PROX1: variants seen among roughly 807,000 people sequenced by gnomAD.
The protein encoded by PROX1 is prospero homeobox protein 1.
In PROX1, 7 loss-of-function variants were observed where a neutral mutation model predicts 58.8. The observed-to-expected ratio is 0.12, with a 90% CI of 0.07 to 0.22. The LOEUF is 0.22. Among genes scored for constraint, PROX1 ranks in the 10% least tolerant of loss-of-function variants. PROX1 has a pLI of 1.00. For missense variants in PROX1, 675 were observed against 927.8 expected, an observed-to-expected ratio of 0.73 and a Z score of 3.54; for synonymous variants, 350 against 358.3, an observed-to-expected ratio of 0.98 and a Z score of 0.26.
intron 2 of PROX1, among the ~76,000 whole-genome samples, chr1:214,000,931 A>G (rs1325143766): frequency 6.6e-6 from 1 of 152,212 alleles, no homozygotes; most frequent in African/African-American, 2.4e-5. Context: ...ATACGGGGCC[A>G]TATATGATCC....
chr1:214,002,311 G>T (rs192790050), intron 2 of PROX1, among the ~76,000 whole-genome samples: 1 of 151,640 alleles, frequency 6.6e-6, no homozygotes, highest in East Asian at 1.9e-4. Flanking sequence ...ACTGCTTTAC[G>T]TTCAGCTGCA....
chr1:214,034,883 A>G lies in PROX1; in HGVS notation c.2029-766A>G, dbSNP rs79752457. On this transcript the variant is annotated intron_variant, in intron 4 of 4. Transcript: ENST00000366958. ...AGAGAGATTGGGAGAACTGAATGAC[A>G]TAATTCACATTCAGTACATAAAACA... is the stretch of plus-strand genomic sequence containing the variant. Among the ~76,000 whole-genome samples, 892 of 152,304 alleles carry G rather than the reference A, an allele frequency of 5.9e-3. 12 individuals are homozygous for G. Among genetic ancestry groups the G allele is most frequent in the African/African-American group, 0.021 (852 of 41,560 alleles).
chr1:213,994,000 T>C (rs1663133309), intron 1 of PROX1, among the ~76,000 whole-genome samples: 1 of 152,218 alleles, frequency 6.6e-6, no homozygotes, highest in South Asian at 2.1e-4. Flanking sequence ...CTTTCCACCT[T>C]AGGAAGAGCA....
At chr1:214,007,214 T>C (rs1213892959) in intron 3 of PROX1, among the ~76,000 whole-genome samples, 1 of 152,208 alleles carries the variant, frequency 6.6e-6, no homozygotes, top group Non-Finnish European at 1.5e-5. Flanking sequence ...TGACTCTGTG[T>C]AGATAACAAT....
chr1:213,987,563 A>AG (rs1339065693), upstream of PROX1: 1 of 140,110 alleles, frequency 7.1e-6, no homozygotes, highest in East Asian at 2.1e-4. Flanking sequence ...AAGAAAAAGA[A>AG]AAAAAAAAAA....
rs944491290 is a variant in PROX1 at position 214,039,731 on chromosome 1, T to C, written c.*3897T>C. On this transcript the variant is annotated 3_prime_UTR_variant, in exon 5 of 5. Transcript: ENST00000366958. ...ATGCAGTTTCTGTAAATTTATGAAA[T>C]TTCTTTTTCTATGTACATGAAGACA... 2 of 152,128 alleles carry C rather than the reference T, an allele frequency of 1.3e-5. No homozygotes were observed. The highest frequency in any genetic ancestry group is 1.3e-4 in the Admixed American group (2 of 15,268). 9.4% of individuals were successfully genotyped at this position (152,128 alleles called of 1,614,324 possible).
At chr1:214,000,489 A>G (rs1456635078) in intron 2 of PROX1, among the ~76,000 whole-genome samples, 1 of 152,186 alleles carries the variant, frequency 6.6e-6, no homozygotes, top group Non-Finnish European at 1.5e-5. Flanking sequence ...TTCTGTTGGG[A>G]AACACCCGTG....
At position 213,994,982 on chromosome 1, in the gene PROX1, T is replaced by A. The variant is rs1663203376; in HGVS notation, c.-67-1487T>A. On this transcript the variant is annotated intron_variant, in intron 1 of 4. Transcript: ENST00000366958. ...TTGATTTTTACAGGTTATTTCATGC[T>A]GAAATTATGCCTATTTGCATGGATA... Among the ~76,000 whole-genome samples the A allele has an allele frequency of 2.0e-5, 3 of 152,018 alleles. No individual in the cohort carries two copies. The South Asian group carries it at 6.3e-4, about 32-fold the overall frequency.
Position 213,998,014 on chromosome 1 carries a change from T to C in PROX1, c.1479T>C (p.Phe493=). The change falls in exon 2 of 5, where the codon TTT becomes TTC. Residue 493 remains phenylalanine (F), a synonymous_variant. Coordinates refer to ENST00000366958, the MANE Select transcript of PROX1 (RefSeq NM_001270616.2). ...PFPLPLMAYP[F]QSPLGAPSGS... Reference sequence around the variant, plus strand: ...CCCTTCCCTTGATGGCCTATCCATTTCAGAGCCCATTAGGTGCTCCCTCCG... The same window carrying C: ...CCCTTCCCTTGATGGCCTATCCATTCCAGAGCCCATTAGGTGCTCCCTCCG... 6.2e-7 allele frequency: 1 copy of C among 1,612,970 alleles called. No homozygotes were observed. The highest frequency in any genetic ancestry group is 8.5e-7 in the Non-Finnish European group (1 of 1,179,334).
intron 2 of PROX1, among the ~76,000 whole-genome samples, chr1:214,003,457 T>A (rs1663595445): frequency 6.6e-6 from 1 of 152,184 alleles, no homozygotes; most frequent in Admixed American, 6.5e-5. Flanking sequence ...TGTATCAGTC[T>A]AATGGAGGTT....
At chr1:213,993,123 G>T (rs554113314) in intron 1 of PROX1, among the ~76,000 whole-genome samples, 1 of 152,224 alleles carries the variant, frequency 6.6e-6, no homozygotes, top group South Asian at 2.1e-4. Flanking sequence ...GGTTATATAC[G>T]AAGTGATGCA....
Position 213,998,280 on chromosome 1 carries a change from T to C in PROX1, c.1725+20T>C. The C allele has an allele frequency of 6.6e-7, 1 of 1,517,430 alleles. No individual in the cohort carries two copies. The highest frequency in any genetic ancestry group is 8.8e-7 in the Non-Finnish European group (1 of 1,132,744). The allele number at this position is 1,517,430 out of a possible 1,614,324, so 94.0% of individuals were successfully genotyped here. On this transcript the variant is annotated intron_variant, in intron 2 of 4. Coordinates refer to ENST00000366958, the MANE Select transcript of PROX1 (RefSeq NM_001270616.2). Reference sequence around the variant, plus strand: ...AGTGCAATATCCTTTTATTTTCCCCTCGAGGAAAAAACAAACCAAAAAAGG... The same window carrying C: ...AGTGCAATATCCTTTTATTTTCCCCCCGAGGAAAAAACAAACCAAAAAAGG...
At position 213,997,779 on chromosome 1, in the gene PROX1, T is replaced by C. The variant is rs751323870; in HGVS notation, c.1244T>C (p.Val415Ala). The C allele has an allele frequency of 6.2e-7, 1 of 1,614,222 alleles. No individual in the cohort carries two copies. Among genetic ancestry groups the C allele is most frequent in the East Asian group, 2.2e-5 (1 of 44,880 alleles). Reference sequence around the variant, plus strand: ...CAGCGCCTGCAGTGCTTTGGCGACGTCATCATTCCGAACCCCCTGGACACC... The same window carrying C: ...CAGCGCCTGCAGTGCTTTGGCGACGCCATCATTCCGAACCCCCTGGACACC... The part of the protein sequence containing the change: ...ANQRLQCFGD[V>A]IIPNPLDTFG... Residue 415 changes from valine to alanine, a missense_variant, in exon 2 of 5, where the codon GTC becomes GCC. By Grantham distance (64) the Val-to-Ala change is moderately conservative. Coordinates refer to ENST00000366958, the MANE Select transcript of PROX1 (RefSeq NM_001270616.2). This position sits in a 1 kb window ranked among gnomAD's most constrained non-coding sequence, Gnocchi z 7.1.
intron 1 of PROX1, among the ~76,000 whole-genome samples, chr1:213,995,607 G>A (rs915813549): frequency 2.0e-5 from 3 of 151,652 alleles, no homozygotes; most frequent in Admixed American, 6.6e-5. Flanking sequence ...TCTTTATCTC[G>A]GTCAATAACT....
At chr1:214,014,341 T>G (rs914831489) in intron 4 of PROX1, among the ~76,000 whole-genome samples, 8 of 152,164 alleles carry the variant, frequency 5.3e-5, no homozygotes, top group Non-Finnish European at 8.8e-5. Flanking sequence ...GATGGCAAAA[T>G]GGAGAACTGT....
At chr1:214,000,308 T>C in intron 2 of PROX1, among the ~76,000 whole-genome samples, 1 of 152,218 alleles carries the variant, frequency 6.6e-6, no homozygotes, top group East Asian at 1.9e-4. Context: ...GTTGGCTATG[T>C]TCATTGTCTC....
At chr1:214,007,464 T>C (rs1419924239) in intron 3 of PROX1, among the ~76,000 whole-genome samples, 3 of 152,262 alleles carry the variant, frequency 2.0e-5, no homozygotes, top group Non-Finnish European at 2.9e-5. Context: ...TTCCTAATTA[T>C]GTTTTTTCTT....
chr1:214,029,054 C>T lies in PROX1; in HGVS notation c.2029-6595C>T, dbSNP rs549779092. On this transcript the variant is annotated intron_variant, in intron 4 of 4. Coordinates refer to ENST00000366958, the MANE Select transcript of PROX1 (RefSeq NM_001270616.2). ...CTCTGTCTGCAGTGTAAGTCCCCAG[C>T]TTGTGCCACTGCTGTCAGGAGATGA... 2.6e-5 allele frequency: 4 copies of T among 152,344 alleles called. No homozygotes were observed. In the East Asian group the frequency reaches 5.8e-4, roughly 22 times the overall value. 9.4% of individuals were successfully genotyped at this position (152,344 alleles called of 1,614,324 possible).
intron 1 of PROX1, among the ~76,000 whole-genome samples, chr1:213,995,459 TTC>T (rs1663226220): frequency 7.1e-6 from 1 of 140,044 alleles, no homozygotes; most frequent in African/African-American, 2.8e-5. Context: ...TTTCAGTTTT[TTC>T]TGTTTTTTTT....
Sources: allele counts gnomAD v4.1 joint callset (sites outside exome capture counted in the v4.1 genomes callset), GRCh38; gene constraint gnomAD v4.1.1; non-coding constraint Gnocchi (gnomAD v3.1); transcripts MANE v1.5; gene names NCBI Gene and HGNC (gene_info 2026-07-23, HGNC 2026-07-21).